LRP6: variants seen among roughly 807,000 people sequenced by gnomAD.
LRP6 encodes low-density lipoprotein receptor-related protein 6.
A neutral mutation model predicts 184.1 loss-of-function variants in LRP6; 43 were observed. The ratio of observed to expected loss-of-function variants is 0.23; its 90% CI spans 0.18 to 0.30. LRP6 has a LOEUF of 0.30. Ranked by LOEUF, LRP6 falls within the 10% of genes least tolerant of loss-of-function variation. The pLI is 1.00. For synonymous variants in LRP6, 719 were observed against 684.9 expected (o/e 1.05, Z -0.78); for missense variants, 1,571 against 2,005.3 (o/e 0.78, Z 4.14).
chr12:12,122,418 TACA>T (rs757334110), intron 22 of LRP6, among the ~76,000 whole-genome samples: 1 of 152,166 alleles, frequency 6.6e-6, no homozygotes, highest in Non-Finnish European at 1.5e-5. Flanking sequence ...TAAAAACTGA[TACA>T]ACGATTCATA....
intron 1 of LRP6, among the ~76,000 whole-genome samples, chr12:12,249,926 A>G (rs771268893): frequency 4.6e-5 from 7 of 152,172 alleles, no homozygotes; most frequent in African/African-American, 1.2e-4. Context: ...CCTTACTGGC[A>G]TGCCTTGGAG....
intron 19 of LRP6, 96 bp from the exon 20 acceptor site, chr12:12,127,017 A>G: frequency 1.0e-6 from 1 of 991,990 alleles, no homozygotes; most frequent in Non-Finnish European, 1.6e-6. Flanking sequence ...ATGTGAAGCT[A>G]TAAGCCTAAT....
chr12:12,213,293 C>T (rs1864257948), intron 2 of LRP6, among the ~76,000 whole-genome samples: 1 of 151,930 alleles, frequency 6.6e-6, no homozygotes, highest in Non-Finnish European at 1.5e-5. Context: ...AAAATTAATA[C>T]ATTTATTTAT....
In LRP6 at chr12:12,216,723, G is replaced by A. The variant is rs193091932; in HGVS notation, c.450-13323C>T. Among the ~76,000 whole-genome samples the A allele has an allele frequency of 3.4e-4, 51 of 151,204 alleles. 1 individual carries two copies. The highest frequency in any genetic ancestry group is 1.1e-3 in the African/African-American group (47 of 41,148). ...TTTCTCAAGCCCCAATAAAACTAAC[G>A]GATAATCCAAACAGCCTCTTTCCAG... On this transcript the variant is annotated intron_variant, in intron 2 of 22. Transcript: ENST00000261349.
intron 15 of LRP6, among the ~76,000 whole-genome samples, chr12:12,142,191 G>C (rs1949943994): frequency 6.6e-6 from 1 of 152,034 alleles, no homozygotes; most frequent in African/African-American, 2.4e-5. Flanking sequence ...AGAACAGTTT[G>C]ATATCCATAA....
At chr12:12,230,921 G>A (rs1033519995) in intron 2 of LRP6, among the ~76,000 whole-genome samples, 2 of 152,018 alleles carry the variant, frequency 1.3e-5, no homozygotes, top group African/African-American at 2.4e-5. Flanking sequence ...AGTGGCTCAC[G>A]CCTGTAATCC....
intron 2 of LRP6, among the ~76,000 whole-genome samples, chr12:12,231,734 G>A (rs77157509): frequency 0.041 from 6,149 of 151,216 alleles, 175 homozygotes; most frequent in Middle Eastern, 0.16. Context: ...AACTCATGCT[G>A]AGCAGCGCAG....
intron 7 of LRP6, among the ~76,000 whole-genome samples, chr12:12,177,077 A>G (rs1555111880): frequency 6.6e-6 from 1 of 152,020 alleles, no homozygotes; most frequent in Non-Finnish European, 1.5e-5. Context: ...CGAACTCCTG[A>G]CCTCATGATC....
At chr12:12,223,238 T>C (rs910912959) in intron 2 of LRP6, among the ~76,000 whole-genome samples, 1 of 149,760 alleles carries the variant, frequency 6.7e-6, no homozygotes, top group East Asian at 2.0e-4. Context: ...TTTAGATGCA[T>C]GTGATGGTCA....
intron 9 of LRP6, among the ~76,000 whole-genome samples, chr12:12,163,784 C>A (rs1206104055): frequency 6.6e-6 from 1 of 152,142 alleles, no homozygotes; most frequent in Non-Finnish European, 1.5e-5. Context: ...GGCAAAGTAT[C>A]TGTATTAAAA....
intron 7 of LRP6, among the ~76,000 whole-genome samples, chr12:12,167,890 A>T (rs1862930992): frequency 6.6e-6 from 1 of 152,178 alleles, no homozygotes; most frequent in Non-Finnish European, 1.5e-5. Flanking sequence ...AAAATAAAAG[A>T]CCAAAACAAC....
chr12:12,159,253 C>A lies in LRP6; in HGVS notation c.2465-98G>T, dbSNP rs576523079. 4.8e-6 allele frequency: 4 copies of A among 836,368 alleles called. No individual in the cohort carries two copies. The Admixed American group carries it at 9.4e-5, about 20-fold the overall frequency. 51.8% of individuals were successfully genotyped at this position (836,368 alleles called of 1,614,324 possible). ...GCAAAAAGAAAAAAAAAAGCCCTAA[C>A]ATATAAAACATTACATTGTAAGCAA... On this transcript the variant is annotated intron_variant, in intron 11 of 22. Transcript: ENST00000261349.
At chr12:12,254,224 C>T (rs974565181) in intron 1 of LRP6, among the ~76,000 whole-genome samples, 1 of 151,096 alleles carries the variant, frequency 6.6e-6, no homozygotes, top group African/African-American at 2.4e-5. Context: ...CGTCTGATGG[C>T]ATCACTTAAA....
At chr12:12,181,953 T>C (rs1232102084) in intron 5 of LRP6, among the ~76,000 whole-genome samples, 1 of 152,232 alleles carries the variant, frequency 6.6e-6, no homozygotes, top group Non-Finnish European at 1.5e-5. Context: ...ATGGATTTTA[T>C]ATGCTATGTA....
intron 3 of LRP6, among the ~76,000 whole-genome samples, chr12:12,198,528 CTCTT>C (rs1198047805): frequency 8.7e-5 from 10 of 114,424 alleles, no homozygotes; most frequent in Non-Finnish European, 1.4e-4. Context: ...CTGAATTTTT[CTCTT>C]TTTTTTTTTT....
Position 12,203,397 on chromosome 12 carries a change from G to A in LRP6, c.453C>T (p.Phe151=). 6.2e-7 allele frequency: 1 copy of A among 1,610,088 alleles called. No homozygotes were observed. The highest frequency in any genetic ancestry group is 8.5e-7 in the Non-Finnish European group (1 of 1,176,394). ...CTTCTCCCCAGTCTGTCCAGTACAT[G>A]AACCTAAAAATCATAAAAATAATTA... ...RAIALDPSSG[F]MYWTDWGEVP... is the part of the protein sequence containing the mutation. Residue 151 remains phenylalanine (F), a synonymous_variant, in exon 3 of 23, where the codon TTC becomes TTT. Transcript: ENST00000261349.
chr12:12,221,692 CATA>C (rs1864494312), intron 2 of LRP6, among the ~76,000 whole-genome samples: 1 of 152,166 alleles, frequency 6.6e-6, no homozygotes. Context: ...TGAAGAGGAA[CATA>C]ATGTTCTCAA....
At chr12:12,240,504 G>A (rs1183906180) in intron 2 of LRP6, among the ~76,000 whole-genome samples, 1 of 152,028 alleles carries the variant, frequency 6.6e-6, no homozygotes, top group South Asian at 2.1e-4. Flanking sequence ...CCCAGGAGGC[G>A]GAGCTTGCAG....
At chr12:12,247,103 G>C (rs960702483) in intron 1 of LRP6, among the ~76,000 whole-genome samples, 1 of 152,110 alleles carries the variant, frequency 6.6e-6, no homozygotes, top group Non-Finnish European at 1.5e-5. Flanking sequence ...ACATCACACT[G>C]ATTTATCAGT....
Sources: allele counts gnomAD v4.1 joint callset (sites outside exome capture counted in the v4.1 genomes callset), GRCh38; gene constraint gnomAD v4.1.1; transcripts MANE v1.5; gene names NCBI Gene and HGNC (gene_info 2026-07-23, HGNC 2026-07-21).